The following DNTT variants were observed in gnomAD, a reference collection of about 807,000 sequenced individuals.
DNTT encodes the protein nucleosidetriphosphate:DNA deoxynucleotidylexotransferase.
In DNTT, 47 loss-of-function variants were observed where a neutral mutation model predicts 60.9. That is an observed-to-expected ratio of 0.77 (90% confidence interval 0.61 to 0.98). The LOEUF is 0.98. DNTT is among the 50% of genes least tolerant of loss of function. The pLI, the probability that DNTT is intolerant of heterozygous loss-of-function variation, is 0.00. For missense variants in DNTT, 665 were observed against 627.5 expected, an observed-to-expected ratio of 1.06 and a Z score of -0.64; for synonymous variants, 224 against 221.2, an observed-to-expected ratio of 1.01 and a Z score of -0.11.
chr10:96,305,906 C>T (rs1844628811), intron 1 of DNTT, among the ~76,000 whole-genome samples: 1 of 152,066 alleles, frequency 6.6e-6, no homozygotes, highest in Non-Finnish European at 1.5e-5. Context: ...GCAAGGTCTC[C>T]TTTTCTCTCT....
rs767993308 is a variant in DNTT, at chr10:96,332,562, G to T, written c.1325G>T (p.Arg442Leu). Residue 442 changes from arginine (R) to leucine (L), a missense_variant, in exon 9 of 11, where the codon CGT becomes CTT. Transcript: ENST00000371174. ...VDLVLCPYER[R>L]AFALLGWTGS... ...TTAGTTCTGTGCCCCTACGAGCGTC[G>T]TGCCTTTGCCCTGTTGGGATGGACT... The T allele has an allele frequency of 1.9e-6, 3 of 1,614,124 alleles. No individual in the cohort carries two copies. The highest frequency in any genetic ancestry group is 2.5e-6 in the Non-Finnish European group (3 of 1,179,998).
chr10:96,307,289 G>C (rs1173939175), intron 1 of DNTT, among the ~76,000 whole-genome samples: 2 of 150,454 alleles, frequency 1.3e-5, no homozygotes, highest in African/African-American at 4.9e-5. Context: ...GGTTTTTTGG[G>C]AGTGGGGGTT....
chr10:96,333,073 A>G (rs1333511880), intron 9 of DNTT, among the ~76,000 whole-genome samples: 1 of 152,242 alleles, frequency 6.6e-6, no homozygotes, highest in African/African-American at 2.4e-5. Context: ...CATACATCAC[A>G]TAAGGGCCAT....
chr10:96,327,817 A>G (rs960328082), intron 7 of DNTT, among the ~76,000 whole-genome samples: 3 of 152,224 alleles, frequency 2.0e-5, no homozygotes, highest in Admixed American at 6.5e-5. Context: ...TTGCTTACTC[A>G]GAATTTTCTG....
intron 10 of DNTT, 69 bp downstream of exon 10, chr10:96,336,043 A>G: frequency 1.4e-6 from 2 of 1,472,494 alleles, no homozygotes; most frequent in East Asian, 2.3e-5. Context: ...AGCTTTTTTC[A>G]TGGACTGATT....
intron 3 of DNTT, among the ~76,000 whole-genome samples, 165 bp downstream of exon 3, chr10:96,319,555 A>G (rs893035147): frequency 1.1e-4 from 17 of 152,310 alleles, no homozygotes; most frequent in Middle Eastern, 3.4e-3. Flanking sequence ...TCTTCTTTCT[A>G]TCGAGACTGG....
intron 3 of DNTT, among the ~76,000 whole-genome samples, chr10:96,320,292 A>G (rs918431226): frequency 6.6e-6 from 1 of 152,262 alleles, no homozygotes; most frequent in Non-Finnish European, 1.5e-5. Flanking sequence ...TAGTGGGAAG[A>G]TAGTACAGAA....
In DNTT at chr10:96,332,579, G is replaced by T. The variant is rs771517553; in HGVS notation, c.1342G>T (p.Gly448Ter). ...CGAGCGTCGTGCCTTTGCCCTGTTG[G>T]GATGGACTGGCTCCCGGGTAAGTGC... ...PYERRAFALL[G>*]WTGSRQFERD... The change falls in exon 9 of 11, where the codon GGA becomes TGA. Residue 448 changes from glycine to a stop codon, truncating the protein, a stop_gained. Coordinates refer to ENST00000371174, the MANE Select transcript of DNTT (RefSeq NM_004088.4). LOFTEE classifies it high-confidence loss of function. 10 of 1,613,210 alleles carry T rather than the reference G, an allele frequency of 6.2e-6. No homozygotes were observed. Among genetic ancestry groups the T allele is most frequent in the Non-Finnish European group, 8.5e-6 (10 of 1,179,730 alleles).
At position 96,314,448 on chromosome 10, in the gene DNTT, T is replaced by C. The variant is rs193132402; in HGVS notation, c.204-3904T>C. Among the ~76,000 whole-genome samples, 879 of 125,422 alleles carry C rather than the reference T, an allele frequency of 7.0e-3. 4 individuals carry two copies. Among genetic ancestry groups the C allele is most frequent in the African/African-American group, 0.024 (804 of 34,090 alleles). 82.3% of individuals were successfully genotyped at this position (125,422 alleles called of 152,430 possible). On this transcript the variant is annotated intron_variant, in intron 1 of 10. Coordinates refer to ENST00000371174, the MANE Select transcript of DNTT (RefSeq NM_004088.4). ...TTTTTTTTGAGATGGAGTTTCGCTCTGTCGCCCAGGCTGGAGTGTAGTGGC... is the reference window on the plus strand; with the variant it reads ...TTTTTTTTGAGATGGAGTTTCGCTCCGTCGCCCAGGCTGGAGTGTAGTGGC...
intron 8 of DNTT, among the ~76,000 whole-genome samples, chr10:96,329,499 C>T (rs12768821): frequency 1.3e-5 from 2 of 152,216 alleles, no homozygotes; most frequent in African/African-American, 4.8e-5. Context: ...ACCCTTGGGA[C>T]CTGTAGATAG....
intron 6 of DNTT, among the ~76,000 whole-genome samples, chr10:96,326,170 G>C (rs1844937093): frequency 6.6e-6 from 1 of 151,218 alleles, no homozygotes; most frequent in Non-Finnish European, 1.5e-5. Context: ...ATAAGCACAG[G>C]TGTTTGTGGT....
At chr10:96,328,647 A>C (rs1221053121) in intron 7 of DNTT, 78 bp from the exon 8 acceptor site, 2 of 1,439,072 alleles carry the variant, frequency 1.4e-6, no homozygotes. Flanking sequence ...AGCATAGGGC[A>C]TAGAAACAAA....
intron 9 of DNTT, 135 bp from the exon 10 acceptor site, chr10:96,335,756 A>C: frequency 2.2e-6 from 2 of 926,116 alleles, no homozygotes; most frequent in Non-Finnish European, 3.5e-6. Context: ...GTCACCAGAG[A>C]ATTTGGCCCT....
At position 96,335,875 on chromosome 10, in the gene DNTT, A is replaced by G. The variant is rs1845062394; in HGVS notation, c.1360-16A>G. On this transcript the variant is annotated splice_polypyrimidine_tract_variant and intron_variant, in intron 9 of 10. Coordinates refer to ENST00000371174, the MANE Select transcript of DNTT (RefSeq NM_004088.4). The stretch of plus-strand genomic sequence containing the variant: ...CTAGACGTGTTAATAATTTATTTTA[A>G]CTATCTCCTATCCAGCAGTTTGAGA... 1 of 1,613,782 alleles carries G rather than the reference A, an allele frequency of 6.2e-7. No individual in the cohort carries two copies. The highest frequency in any genetic ancestry group is 8.5e-7 in the Non-Finnish European group (1 of 1,179,688).
rs371271792 is a variant in DNTT, at chr10:96,336,940, G to GGAA, written c.1443+966_1443+967insGAA. Among the ~76,000 whole-genome samples, 19 of 129,952 alleles carry GGAA rather than the reference G, an allele frequency of 1.5e-4. 1 individual carries two copies. The East Asian group carries it at 2.8e-3, about 19-fold the overall frequency. The allele number at this position is 129,952 out of a possible 152,430, so 85.3% of individuals were successfully genotyped here. ...GCAACAGAGTGAGACTCTGTGTCAG[G>GGAA]AAAAAAAAAAAAAAAAAAGTAATGA... is the stretch of plus-strand genomic sequence containing the variant. On this transcript the variant is annotated intron_variant, in intron 10 of 10. Transcript: ENST00000371174.
rs1019073146 is a variant in DNTT, at chr10:96,326,528, C to T, written c.875-940C>T. 5.9e-5 allele frequency among the ~76,000 whole-genome samples: 9 copies of T among 152,286 alleles called. No homozygotes were observed. In the South Asian group the frequency reaches 8.3e-4, roughly 14 times the overall value. On this transcript the variant is annotated intron_variant, in intron 6 of 10. Transcript: ENST00000371174. ...GCAAGCCAAATGGCCACCCTGCTGC[C>T]TCCCTTCCACAATCCCAGGGTGAGA...
Position 96,330,198 on chromosome 10 carries a change from G to A in DNTT, c.1113+1368G>A, listed in dbSNP as rs1018292307. ...CTGAATATGCAGACAGGAGCATTAC[G>A]TTCAAGGATGCATTCTCAAACACCT... is the stretch of plus-strand genomic sequence containing the variant. On this transcript the variant is annotated intron_variant, in intron 8 of 10. Coordinates refer to ENST00000371174, the MANE Select transcript of DNTT (RefSeq NM_004088.4). Among the ~76,000 whole-genome samples the A allele has an allele frequency of 6.6e-5, 10 of 152,108 alleles. No homozygotes were observed. The South Asian group carries it at 1.5e-3, about 22-fold the overall frequency.
At chr10:96,317,663 C>CGA (rs1844802628) in intron 1 of DNTT, among the ~76,000 whole-genome samples, 1 of 152,098 alleles carries the variant, frequency 6.6e-6, no homozygotes, top group Non-Finnish European at 1.5e-5. Context: ...AAAAGAGGCC[C>CGA]GAGAGAGCTG....
chr10:96,319,165 T>A (rs1844830466), intron 2 of DNTT, 97 bp from the exon 3 acceptor site: 1 of 1,378,032 alleles, frequency 7.3e-7, no homozygotes, highest in East Asian at 2.3e-5. Context: ...TATAATTTTA[T>A]CCTCCAACTA....
Sources: allele counts gnomAD v4.1 joint callset (sites outside exome capture counted in the v4.1 genomes callset), GRCh38; gene constraint gnomAD v4.1.1; transcripts MANE v1.5; gene names NCBI Gene and HGNC (gene_info 2026-07-23, HGNC 2026-07-21).